PITPNM3: variants seen among roughly 807,000 people sequenced by gnomAD.
PITPNM3 encodes the protein membrane-associated phosphatidylinositol transfer protein 3.
Under a neutral mutation model 102.0 loss-of-function variants are expected in PITPNM3, and 26 were observed. That is an observed-to-expected ratio of 0.25 (90% CI 0.19 to 0.35). The LOEUF is 0.35. Among genes scored for constraint, PITPNM3 ranks in the 10% least tolerant of loss-of-function variants. The pLI is 1.00. For synonymous variants in PITPNM3, 578 were observed against 558.6 expected (o/e 1.03, Z -0.49); for missense variants, 1,083 against 1,346.1 (o/e 0.80, Z 3.06).
At chr17:6,526,067 C>A (rs571026642) in intron 2 of PITPNM3, among the ~76,000 whole-genome samples, 60 of 152,206 alleles carry the variant, frequency 3.9e-4, no homozygotes, top group Non-Finnish European at 7.9e-4. Context: ...CCTTCCGGTT[C>A]TAAGGAAGCT....
In PITPNM3 at chr17:6,525,365, C is replaced by T. The variant is rs1192337083; in HGVS notation, c.217G>A (p.Glu73Lys). ...EQIETMGKLD[E>K]HQGEGTAPCT... ...AGAAGCAGAGTCTCACCTTGATGCT[C>T]GTCCAGTTTCCCCATGGTCTCGATC... Residue 73 changes from glutamate to lysine, a missense_variant, in exon 3 of 20, where the codon GAG (glutamate) becomes AAG (lysine). This residue lies in a region of PITPNM3 where 290 missense variants were observed against 337.8 expected (regional missense o/e 0.86). Transcript: ENST00000262483. 1.9e-6 allele frequency: 3 copies of T among 1,614,092 alleles called. No individual in the cohort carries two copies. The highest frequency in any genetic ancestry group is 2.5e-6 in the Non-Finnish European group (3 of 1,179,940).
At chr17:6,516,439 C>T (rs996667428) in intron 3 of PITPNM3, among the ~76,000 whole-genome samples, 1 of 151,722 alleles carries the variant, frequency 6.6e-6, no homozygotes, top group African/African-American at 2.4e-5. Flanking sequence ...TGGCGGGCAC[C>T]TGTAGTCCCA....
rs1321914101 is a variant in PITPNM3 at position 6,470,874 on chromosome 17, C to G, written c.1624+287G>C. On this transcript the variant is annotated intron_variant, in intron 12 of 19. Transcript: ENST00000262483. The surrounding 1 kb of genome is among the most constrained non-coding windows in gnomAD (Gnocchi z 4.8). ...CACTGCTCTCCTCAAGGTCAGAGCT[C>G]TGATTTGAGGCAGGGTCAGAGTTCA... Among the ~76,000 whole-genome samples, 1 of 152,122 alleles carries G rather than the reference C, an allele frequency of 6.6e-6. No individual in the cohort carries two copies. The highest frequency in any genetic ancestry group is 1.5e-5 in the Non-Finnish European group (1 of 68,022).
intron 4 of PITPNM3, among the ~76,000 whole-genome samples, chr17:6,490,338 C>A (rs577555022): frequency 3.3e-5 from 5 of 152,190 alleles, no homozygotes; most frequent in Non-Finnish European, 5.9e-5. Context: ...CTCTGCAAAC[C>A]ACCGCAAAAG....
At chr17:6,552,275 G>A (rs892585267) in intron 1 of PITPNM3, among the ~76,000 whole-genome samples, 1 of 152,086 alleles carries the variant, frequency 6.6e-6, no homozygotes, top group African/African-American at 2.4e-5. Context: ...CCTCTAGGCT[G>A]TTCACTCTGC....
Position 6,478,644 on chromosome 17 carries a change from G to C in PITPNM3, c.680C>G (p.Pro227Arg), listed in dbSNP as rs529215353. Residue 227 changes from proline (P) to arginine (R), a missense_variant, in exon 7 of 20, where the codon CCG becomes CGG. By Grantham distance (103) the Pro-to-Arg change is moderately radical. Transcript: ENST00000262483. The surrounding 1 kb of genome is among the most constrained non-coding windows in gnomAD (Gnocchi z 4.4). ...AALPLLAISS[P>R]QYQDAVATVI... is the part of the protein sequence containing the mutation. ...GGTGGCGACAGCATCCTGGTACTGC[G>C]GGGAGGAGATGGCCAACAGGGGAAG... is the stretch of plus-strand genomic sequence containing the variant. 2.5e-6 allele frequency: 4 copies of C among 1,613,714 alleles called. No individual in the cohort carries two copies. Among genetic ancestry groups the C allele is most frequent in the Non-Finnish European group, 3.4e-6 (4 of 1,179,912 alleles).
intron 1 of PITPNM3, among the ~76,000 whole-genome samples, chr17:6,543,085 T>C (rs535572134): frequency 1.3e-5 from 2 of 152,284 alleles, no homozygotes; most frequent in East Asian, 3.9e-4. Flanking sequence ...CCAACTCTTC[T>C]TCTAGCAATT....
At chr17:6,489,470 G>GT (rs970317183) in intron 4 of PITPNM3, among the ~76,000 whole-genome samples, 1 of 139,722 alleles carries the variant, frequency 7.2e-6, no homozygotes, top group Non-Finnish European at 1.6e-5. Flanking sequence ...GAAACATAAG[G>GT]TTTTTTTTTA....
chr17:6,518,380 AG>A (rs1342203057), intron 3 of PITPNM3, among the ~76,000 whole-genome samples: 1 of 152,052 alleles, frequency 6.6e-6, no homozygotes, highest in Non-Finnish European at 1.5e-5. Context: ...TCCCCTTTTA[AG>A]GAAAAGATTA....
rs757894722 is a variant in PITPNM3 at position 6,470,380 on chromosome 17, C to T, written c.1653G>A (p.Arg551=). 1.2e-6 allele frequency: 2 copies of T among 1,614,156 alleles called. No individual in the cohort carries two copies. The highest frequency in any genetic ancestry group is 2.2e-5 in the South Asian group (2 of 91,078). The part of the protein sequence containing the change: ...RITAKWWGSK[R]IDYALYCPDV... ...CAGGGCAGTACAGGGCATAGTCGAT[C>T]CTCTTGCTTCCCCACCACTTGGCTG... The change falls in exon 13 of 20, where the codon AGG becomes AGA. Residue 551 remains arginine, a synonymous_variant. Coordinates refer to ENST00000262483, the MANE Select transcript of PITPNM3 (RefSeq NM_031220.4). The surrounding 1 kb of genome is among the most constrained non-coding windows in gnomAD (Gnocchi z 4.8).
At position 6,470,161 on chromosome 17, in the gene PITPNM3, C is replaced by A. The variant is rs746913458; in HGVS notation, c.1773+99G>T. The A allele has an allele frequency of 2.9e-4, 401 of 1,381,026 alleles. 3 individuals are homozygous for A. Among genetic ancestry groups the A allele is most frequent in the Admixed American group, 5.9e-4 (30 of 50,704 alleles). 85.5% of individuals were successfully genotyped at this position (1,381,026 alleles called of 1,614,324 possible). ...ATGCTCTTAGGATCAAGGCCAAAAG[C>A]TGAACAGTGTCTGCAAGAATAGCCT... On this transcript the variant is annotated intron_variant, in intron 13 of 19. Coordinates refer to ENST00000262483, the MANE Select transcript of PITPNM3 (RefSeq NM_031220.4). The surrounding 1 kb of genome is among the most constrained non-coding windows in gnomAD (Gnocchi z 4.8).
rs542745862 is a variant in PITPNM3, at chr17:6,478,774, C to T, written c.588-38G>A. The T allele has an allele frequency of 1.3e-5, 20 of 1,528,784 alleles. No individual in the cohort carries two copies. The highest frequency in any genetic ancestry group is 9.8e-5 in the East Asian group (4 of 40,996). The allele number at this position is 1,528,784 out of a possible 1,614,324, so 94.7% of individuals were successfully genotyped here. On this transcript the variant is annotated intron_variant, in intron 6 of 19. Coordinates refer to ENST00000262483, the MANE Select transcript of PITPNM3 (RefSeq NM_031220.4). This position sits in a 1 kb window ranked among gnomAD's most constrained non-coding sequence, Gnocchi z 4.4. ...GGCCCAAGGTGAGCCCAGCCAGGATCGGGCAGGTTGGCAGGTTTGGGGCTG... is the reference window on the plus strand; with the variant it reads ...GGCCCAAGGTGAGCCCAGCCAGGATTGGGCAGGTTGGCAGGTTTGGGGCTG...
intron 2 of PITPNM3, among the ~76,000 whole-genome samples, chr17:6,531,540 G>T (rs1909146496): frequency 2.6e-5 from 4 of 152,176 alleles, no homozygotes; most frequent in Admixed American, 2.6e-4. Flanking sequence ...CTCACTCAAG[G>T]TCCAGGCATG....
chr17:6,538,799 C>G (rs1909582514), intron 1 of PITPNM3, among the ~76,000 whole-genome samples: 1 of 152,160 alleles, frequency 6.6e-6, no homozygotes, highest in Non-Finnish European at 1.5e-5. Flanking sequence ...CCCACCTGGC[C>G]CACAGTAACT....
At position 6,455,347 on chromosome 17, in the gene PITPNM3, C is replaced by T; in HGVS notation, c.2916G>A (p.Ser972=). The T allele has an allele frequency of 6.3e-7, 1 of 1,577,428 alleles. No individual in the cohort carries two copies. The highest frequency in any genetic ancestry group is 1.2e-5 in the South Asian group (1 of 85,418). ...SWARGPPKFE[S]VP is the part of the protein sequence containing the mutation. ...GAGCACAGCCCACCCCTCAGGGCAC[C>T]GACTCGAACTTGGGGGGCCCACGCG... Residue 972 remains serine, a synonymous_variant, in exon 20 of 20, where the codon TCG becomes TCA. Transcript: ENST00000262483.
intron 6 of PITPNM3, among the ~76,000 whole-genome samples, chr17:6,481,985 CCT>C (rs773528111): frequency 0.023 from 1,282 of 56,084 alleles, 23 homozygotes; most frequent in East Asian, 0.042. Context: ...GAAAACAGAA[CCT>C]CTCTCTCTCT....
chr17:6,468,975 G>A lies in PITPNM3; in HGVS notation c.1774-634C>T, dbSNP rs1904923384. Among the ~76,000 whole-genome samples, 1 of 151,742 alleles carries A rather than the reference G, an allele frequency of 6.6e-6. No homozygotes were observed. The highest frequency in any genetic ancestry group is 2.1e-4 in the South Asian group (1 of 4,796). ...GGTTCTTCTCCATCACTCCTCTACG[G>A]AAGCCATTCTTGCCACTGCCCCGGT... is the stretch of plus-strand genomic sequence containing the variant. On this transcript the variant is annotated intron_variant, in intron 13 of 19. Transcript: ENST00000262483. The surrounding 1 kb of genome is among the most constrained non-coding windows in gnomAD (Gnocchi z 5.2).
chr17:6,460,135 T>A (rs1904373855), intron 18 of PITPNM3, among the ~76,000 whole-genome samples: 2 of 152,312 alleles, frequency 1.3e-5, no homozygotes, highest in Non-Finnish European at 2.9e-5. Flanking sequence ...TTGCCAAGTT[T>A]GGGCCCCTGA....
rs1305431694 is a variant in PITPNM3, at chr17:6,517,508, G to A, written c.226+7848C>T. 6.6e-6 allele frequency among the ~76,000 whole-genome samples: 1 copy of A among 152,216 alleles called. No homozygotes were observed. Among genetic ancestry groups the A allele is most frequent in the African/African-American group, 2.4e-5 (1 of 41,466 alleles). On this transcript the variant is annotated intron_variant, in intron 3 of 19. Transcript: ENST00000262483. The surrounding 1 kb of genome is among the most constrained non-coding windows in gnomAD (Gnocchi z 4.1). ...TCCTTCCCTGTTCAGGGATAGCATA[G>A]ATAGAGCTACTGACTTAATCCAAAC...
Sources: allele counts gnomAD v4.1 joint callset (sites outside exome capture counted in the v4.1 genomes callset), GRCh38; gene constraint gnomAD v4.1.1; regional missense constraint gnomAD v4.1.1; non-coding constraint Gnocchi (gnomAD v3.1); transcripts MANE v1.5; gene names NCBI Gene and HGNC (gene_info 2026-07-23, HGNC 2026-07-21).